The following AASS variants were observed in gnomAD, a reference collection of about 807,000 sequenced individuals.
AASS encodes the protein aminoadipate-semialdehyde synthase.
AASS carries 86 observed loss-of-function variants against 105.4 expected under a neutral mutation model. That is an observed-to-expected ratio of 0.82 (90% CI 0.69 to 0.98). The LOEUF (loss-of-function observed/expected upper bound fraction) is 0.98. Ranked by LOEUF, AASS falls within the 50% of genes least tolerant of loss-of-function variation. The pLI is 0.00. For synonymous variants in AASS, 381 were observed against 394.8 expected (o/e 0.96, Z 0.41); for missense variants, 1,048 against 1,143.2 (o/e 0.92, Z 1.20).
chr7:122,103,484 A>C (rs1163518963), intron 11 of AASS, among the ~76,000 whole-genome samples: 1 of 152,080 alleles, frequency 6.6e-6, no homozygotes, highest in African/African-American at 2.4e-5. Flanking sequence ...AGTAGAAAAA[A>C]AGAACATTAC....
intron 15 of AASS, 39 bp from the exon 16 acceptor site, chr7:122,093,197 T>G (rs760083611): frequency 7.1e-7 from 1 of 1,404,338 alleles, no homozygotes; most frequent in African/African-American, 1.4e-5. Context: ...ACTCCCTTTT[T>G]CAACTCTACT....
chr7:122,077,823 A>G lies in AASS; in HGVS notation c.2662+15T>C. Reference sequence around the variant, plus strand: ...GAAACAGAAACAGGCTTACACCTCAAATGAACAGACTTACCATCAAGCAAC... The same window carrying G: ...GAAACAGAAACAGGCTTACACCTCAGATGAACAGACTTACCATCAAGCAAC... On this transcript the variant is annotated intron_variant, in intron 23 of 23. Coordinates refer to ENST00000417368, the MANE Select transcript of AASS (RefSeq NM_005763.4). The G allele has an allele frequency of 6.2e-7, 1 of 1,614,206 alleles. No homozygotes were observed. The highest frequency in any genetic ancestry group is 2.2e-5 in the East Asian group (1 of 44,872).
intron 4 of AASS, among the ~76,000 whole-genome samples, chr7:122,123,001 C>T (rs1795505055): frequency 6.6e-6 from 1 of 152,130 alleles, no homozygotes; most frequent in Non-Finnish European, 1.5e-5. Context: ...TTTAGCCACA[C>T]ACTTCAGGGC....
chr7:122,139,706 C>T (rs1285924532), intron 1 of AASS, among the ~76,000 whole-genome samples: 1 of 152,090 alleles, frequency 6.6e-6, no homozygotes, highest in Admixed American at 6.5e-5. Flanking sequence ...GCCTATAATG[C>T]CAGCACTTTG....
At chr7:122,102,633 ATAAATGG>A (rs1794483274) in intron 11 of AASS, among the ~76,000 whole-genome samples, 1 of 152,078 alleles carries the variant, frequency 6.6e-6, no homozygotes, top group South Asian at 2.1e-4. Context: ...TGTATCTAAA[ATAAATGG>A]TAATTTGAAA....
At chr7:122,133,456 C>G (rs1381434921) in intron 2 of AASS, 61 bp downstream of exon 2, 1 of 1,545,480 alleles carries the variant, frequency 6.5e-7, no homozygotes, top group East Asian at 2.2e-5. Context: ...CACTCAGATG[C>G]TCCTTAATTT....
intron 15 of AASS, among the ~76,000 whole-genome samples, chr7:122,093,601 A>T (rs971012918): frequency 2.0e-5 from 3 of 152,100 alleles, no homozygotes; most frequent in Admixed American, 2.0e-4. Flanking sequence ...GCTTGGGCCC[A>T]GGAGTCGAGA....
At chr7:122,130,741 G>A in intron 2 of AASS, among the ~76,000 whole-genome samples, 1 of 152,068 alleles carries the variant, frequency 6.6e-6, no homozygotes, top group African/African-American at 2.4e-5. Context: ...GAATAACAGA[G>A]ATAGTTAAAG....
intron 4 of AASS, among the ~76,000 whole-genome samples, chr7:122,124,833 A>G (rs530968610): frequency 6.6e-6 from 1 of 152,290 alleles, no homozygotes; most frequent in East Asian, 1.9e-4. Flanking sequence ...CTGCTTTTAT[A>G]CTAAGAAATT....
At chr7:122,089,473 A>G (rs1793792342) in intron 18 of AASS, among the ~76,000 whole-genome samples, 1 of 152,194 alleles carries the variant, frequency 6.6e-6, no homozygotes, top group South Asian at 2.1e-4. Flanking sequence ...TCATTTTTAC[A>G]AAAGACATTT....
intron 4 of AASS, among the ~76,000 whole-genome samples, chr7:122,120,534 C>G (rs1025700094): frequency 6.6e-6 from 1 of 151,710 alleles, no homozygotes; most frequent in Non-Finnish European, 1.5e-5. Context: ...TTTCTCTATT[C>G]TTTTCCTGTT....
In AASS at chr7:122,117,638, CTATTTATTTATT is replaced by C. The variant is rs751868427; in HGVS notation, c.687+657_687+668del. Among the ~76,000 whole-genome samples, 925 of 150,030 alleles carry C rather than the reference CTATTTATTTATT, an allele frequency of 6.2e-3. 10 individuals carry two copies. Among genetic ancestry groups the C allele is most frequent in the African/African-American group, 0.021 (866 of 41,170 alleles). Reference sequence around the variant, plus strand: ...TGAATTATCTTATTTATTTATTTATCTATTTATTTATTTATTTATTTATTTATTTTATTTTGA... The same window carrying C: ...TGAATTATCTTATTTATTTATTTATCTATTTATTTATTTATTTTATTTTGA... On this transcript the variant is annotated intron_variant, in intron 6 of 23. Coordinates refer to ENST00000417368, the MANE Select transcript of AASS (RefSeq NM_005763.4).
At chr7:122,094,743 A>G (rs1485553364) in intron 15 of AASS, among the ~76,000 whole-genome samples, 5 of 152,018 alleles carry the variant, frequency 3.3e-5, no homozygotes, top group Non-Finnish European at 5.9e-5. Context: ...TGAGTACAGC[A>G]TCATCTGTTG....
rs754612868 is a variant in AASS, at chr7:122,081,539, C to T, written c.2241G>A (p.Ala747=). ...FVKLGLINRE[A]LPAFRPEANP... Reference sequence around the variant, plus strand: ...TGGCCTCAGGTCTAAAGGCAGGAAGCGCTTCTCTGTTTATAAGACCTAATT... The same window carrying T: ...TGGCCTCAGGTCTAAAGGCAGGAAGTGCTTCTCTGTTTATAAGACCTAATT... The change falls in exon 20 of 24, where the codon GCG becomes GCA. Residue 747 remains alanine, a synonymous_variant. Transcript: ENST00000417368. 7.4e-6 allele frequency: 12 copies of T among 1,613,804 alleles called. No homozygotes were observed. The African/African-American group carries it at 8.0e-5, about 11-fold the overall frequency.
At chr7:122,094,445 T>C (rs1458992245) in intron 15 of AASS, among the ~76,000 whole-genome samples, 1 of 152,150 alleles carries the variant, frequency 6.6e-6, no homozygotes, top group African/African-American at 2.4e-5. Flanking sequence ...ATCTGAAGTA[T>C]GCAGAGTTAA....
rs976541621 is a variant in AASS, at chr7:122,124,572, C to G, written c.472+1803G>C. On this transcript the variant is annotated intron_variant, in intron 4 of 23. Coordinates refer to ENST00000417368, the MANE Select transcript of AASS (RefSeq NM_005763.4). Reference sequence around the variant, plus strand: ...TGCTGGGATTACAGGTGTGAGCCACCGCACCCAGTCTCAAATACCTTTCTT... The same window carrying G: ...TGCTGGGATTACAGGTGTGAGCCACGGCACCCAGTCTCAAATACCTTTCTT... Among the ~76,000 whole-genome samples, 3 of 152,298 alleles carry G rather than the reference C, an allele frequency of 2.0e-5. 1 individual carries two copies. Among genetic ancestry groups the G allele is most frequent in the South Asian group, 4.1e-4 (2 of 4,828 alleles).
At position 122,113,656 on chromosome 7, in the gene AASS, T is replaced by C. The variant is rs1306436714; in HGVS notation, c.1108A>G (p.Thr370Ala). 1 of 1,613,736 alleles carries C rather than the reference T, an allele frequency of 6.2e-7. No individual in the cohort carries two copies. Among genetic ancestry groups the C allele is most frequent in the African/African-American group, 1.3e-5 (1 of 75,018 alleles). ...ATGCAAAAGGGATGCTCTATTGTTG[T>C]ACACTCAGTCATAAACTCTATAGAC... ...GGSIEFMTEC[T>A]TIEHPFCMYD... is the part of the protein sequence containing the mutation. The change falls in exon 10 of 24, where the codon ACA becomes GCA. Residue 370 changes from threonine to alanine, a missense_variant. Physicochemically the swap from Thr to Ala is moderately conservative, Grantham distance 58. Coordinates refer to ENST00000417368, the MANE Select transcript of AASS (RefSeq NM_005763.4).
chr7:122,133,709 C>G lies in AASS; in HGVS notation c.18G>C (p.Arg6Ser), dbSNP rs755971697. ...TGACCCCCAGCCTGCCCAGTCCAGT[C>G]CTATGTACTTGCAGCATCTTGACAC... MLQVH[R>S]TGLGRLGVSL... The change falls in exon 2 of 24, where the codon AGG becomes AGC. Residue 6 changes from arginine to serine, a missense_variant. By Grantham distance (110) the Arg-to-Ser change is moderately radical. Transcript: ENST00000417368. 1 of 1,614,118 alleles carries G rather than the reference C, an allele frequency of 6.2e-7. No individual in the cohort carries two copies.
In AASS at chr7:122,086,130, A is replaced by G; in HGVS notation, c.2066T>C (p.Met689Thr). Residue 689 changes from methionine (M) to threonine (T), a missense_variant, in exon 19 of 24, where the codon ATG becomes ACG. Physicochemically the swap from Met to Thr is moderately conservative, Grantham distance 81. Transcript: ENST00000417368. ...GISFLDAVTS[M>T]DFFPGLNLEG... is the part of the protein sequence containing the mutation. The stretch of plus-strand genomic sequence containing the variant: ...CAAATTTAATCCTGGAAAAAAATCC[A>G]TGGACGTAACGGCATCAAGAAAGGA... 1 of 1,613,630 alleles carries G rather than the reference A, an allele frequency of 6.2e-7. No individual in the cohort carries two copies. The highest frequency in any genetic ancestry group is 8.5e-7 in the Non-Finnish European group (1 of 1,179,798).
Sources: gnomAD v4.1 joint callset for allele counts (sites outside exome capture counted in the v4.1 genomes callset) on GRCh38, gnomAD v4.1.1 for gene constraint, MANE v1.5 for transcripts, NCBI Gene and HGNC (gene_info 2026-07-23, HGNC 2026-07-21) for gene names.